Variants in CSRNP3 observed in about 807,000 individuals in gnomAD.
CSRNP3 encodes the protein cysteine and serine rich nuclear protein 3.
CSRNP3 carries 12 observed loss-of-function variants against 48.0 expected under a neutral mutation model. That is an observed-to-expected ratio of 0.25 (90% confidence interval 0.16 to 0.41). The LOEUF (loss-of-function observed/expected upper bound fraction) is 0.41, where lower values mean the gene tolerates loss of function less well. Ranked by LOEUF, CSRNP3 falls within the 10% of genes least tolerant of loss-of-function variation. The pLI, the probability that CSRNP3 is intolerant of heterozygous loss-of-function variation, is 1.00. For missense variants in CSRNP3, 580 were observed against 724.4 expected (o/e 0.80, Z 2.29); for synonymous variants, 263 against 269.7 (o/e 0.98, Z 0.24).
intron 3 of CSRNP3, among the ~76,000 whole-genome samples, chr2:165,520,708 ATCTG>A (rs1435101224): frequency 3.9e-4 from 47 of 121,170 alleles, no homozygotes; most frequent in East Asian, 2.3e-3. Context: ...CTATCTATCT[ATCTG>A]TCTATCTATA....
At position 165,687,984 on chromosome 2, in the gene CSRNP3, G is replaced by A. The variant is rs1687658152; in HGVS notation, c.*8231G>A. ...ACTCGGATGCTCTTGTGAAATGACA[G>A]CCACATCAGTGTGGTTACTCCCCAC... On this transcript the variant is annotated 3_prime_UTR_variant, in exon 7 of 7. Coordinates refer to ENST00000651982, the MANE Select transcript of CSRNP3 (RefSeq NM_001172173.2). The A allele has an allele frequency of 6.7e-6, 1 of 150,054 alleles. No individual in the cohort carries two copies. The highest frequency in any genetic ancestry group is 2.1e-4 in the South Asian group (1 of 4,772). The allele number at this position is 150,054 out of a possible 1,614,324, so 9.3% of individuals were successfully genotyped here. A position where few individuals can be genotyped will look rare whatever the true frequency, so the allele number is the denominator to read the frequency against.
chr2:165,612,749 T>C (rs570313474), intron 4 of CSRNP3, among the ~76,000 whole-genome samples: 1 of 152,004 alleles, frequency 6.6e-6, no homozygotes, highest in South Asian at 2.1e-4. Context: ...TGGCCATGAA[T>C]GACAGGATTT....
chr2:165,504,177 T>A (rs1450214058), intron 2 of CSRNP3, among the ~76,000 whole-genome samples: 2 of 152,014 alleles, frequency 1.3e-5, no homozygotes, highest in East Asian at 1.9e-4. Context: ...AAATACATTT[T>A]AAAAATACAT....
intron 5 of CSRNP3, among the ~76,000 whole-genome samples, chr2:165,667,450 T>TA (rs1558968613): frequency 3.0e-4 from 46 of 152,064 alleles, no homozygotes; most frequent in African/African-American, 7.7e-4. Context: ...TAGCTTTTTT[T>TA]TAAAAAAAAT....
intron 4 of CSRNP3, among the ~76,000 whole-genome samples, chr2:165,636,003 C>A (rs988919996): frequency 6.6e-5 from 10 of 152,210 alleles, no homozygotes; most frequent in Non-Finnish European, 1.3e-4. Flanking sequence ...TCAAAGCTCA[C>A]ATATCCAAAC....
chr2:165,590,872 T>C (rs1685705486), intron 3 of CSRNP3, among the ~76,000 whole-genome samples: 1 of 152,088 alleles, frequency 6.6e-6, no homozygotes, highest in African/African-American at 2.4e-5. Context: ...CATAGCAGCA[T>C]GAGACTAGAC....
At chr2:165,519,497 T>C (rs1684623881) in intron 3 of CSRNP3, among the ~76,000 whole-genome samples, 1 of 152,194 alleles carries the variant, frequency 6.6e-6, no homozygotes. Flanking sequence ...CAAGAAAACC[T>C]TTTTAAAAGG....
Position 165,520,712 on chromosome 2 carries a change from G to A in CSRNP3, c.-24+2751G>A, listed in dbSNP as rs1002068827. On this transcript the variant is annotated intron_variant, in intron 3 of 6. Transcript: ENST00000651982. The stretch of plus-strand genomic sequence containing the variant: ...TCTGTATCTATCTATCTATCTATCT[G>A]TCTATCTATATTTATATATCTATTT... 8.9e-5 allele frequency among the ~76,000 whole-genome samples: 12 copies of A among 134,932 alleles called. 1 individual carries two copies. Among genetic ancestry groups the A allele is most frequent in the African/African-American group, 2.5e-4 (9 of 36,190 alleles). The allele number at this position is 134,932 out of a possible 152,430, so 88.5% of individuals were successfully genotyped here.
intron 1 of CSRNP3, among the ~76,000 whole-genome samples, chr2:165,479,120 C>A (rs576771887): frequency 6.6e-6 from 1 of 152,146 alleles, no homozygotes; most frequent in South Asian, 2.1e-4. Flanking sequence ...TACCAAAAAT[C>A]ACAAATGAAA....
chr2:165,677,600 T>A (rs1407001024), intron 6 of CSRNP3, among the ~76,000 whole-genome samples: 2 of 142,568 alleles, frequency 1.4e-5, no homozygotes, highest in Non-Finnish European at 3.1e-5. Flanking sequence ...AAAAAAAAAA[T>A]ACAGATACAA....
chr2:165,606,006 T>C (rs1241904040), intron 4 of CSRNP3, among the ~76,000 whole-genome samples: 1 of 151,796 alleles, frequency 6.6e-6, no homozygotes, highest in Non-Finnish European at 1.5e-5. Flanking sequence ...AGTTGAGAAG[T>C]AAGAGTCTGT....
At chr2:165,640,178 A>G (rs949883375) in intron 4 of CSRNP3, among the ~76,000 whole-genome samples, 2 of 152,196 alleles carry the variant, frequency 1.3e-5, no homozygotes, top group African/African-American at 4.8e-5. Flanking sequence ...ACTTTTAACA[A>G]ACACTTATAC....
chr2:165,517,398 G>A (rs116819274), intron 2 of CSRNP3, among the ~76,000 whole-genome samples: 26,727 of 151,594 alleles, frequency 0.18, 2,515 homozygotes, highest in Non-Finnish European at 0.2. Flanking sequence ...TAATTAAATA[G>A]TTTCCTTTAA....
intron 3 of CSRNP3, among the ~76,000 whole-genome samples, chr2:165,555,737 C>G (rs1207883927): frequency 6.6e-6 from 1 of 152,112 alleles, no homozygotes; most frequent in East Asian, 1.9e-4. Context: ...AATTCAGAGG[C>G]TGAATCGTAA....
intron 4 of CSRNP3, among the ~76,000 whole-genome samples, chr2:165,645,740 AT>A (rs953864956): frequency 6.9e-4 from 104 of 151,754 alleles, no homozygotes; most frequent in African/African-American, 2.4e-3. Flanking sequence ...CTGTATCTCC[AT>A]TTTATTTGTT....
intron 5 of CSRNP3, among the ~76,000 whole-genome samples, chr2:165,675,050 T>C (rs1227665295): frequency 2.0e-5 from 3 of 152,138 alleles, no homozygotes; most frequent in Non-Finnish European, 4.4e-5. Context: ...GCTAGTGTGT[T>C]ATTTCCTCTA....
intron 2 of CSRNP3, among the ~76,000 whole-genome samples, chr2:165,513,545 T>C (rs1277359713): frequency 6.6e-6 from 1 of 152,200 alleles, no homozygotes; most frequent in Non-Finnish European, 1.5e-5. Context: ...TCAAACAAGT[T>C]CTATTTCTTT....
intron 4 of CSRNP3, among the ~76,000 whole-genome samples, chr2:165,596,254 G>A (rs114680648): frequency 0.013 from 2,022 of 151,220 alleles, 49 homozygotes; most frequent in African/African-American, 0.046. Context: ...ATAGTCTAAA[G>A]GAAACTGACT....
At chr2:165,520,050 T>A (rs914810952) in intron 3 of CSRNP3, among the ~76,000 whole-genome samples, 1 of 152,108 alleles carries the variant, frequency 6.6e-6, no homozygotes, top group African/African-American at 2.4e-5. Context: ...AAAATCAGTT[T>A]CAATTTCACC....
Sources: gnomAD v4.1 joint callset for allele counts (sites outside exome capture counted in the v4.1 genomes callset) on GRCh38, gnomAD v4.1.1 for gene constraint, MANE v1.5 for transcripts, NCBI Gene and HGNC (gene_info 2026-07-23, HGNC 2026-07-21) for gene names.